ARHGAP21: variants seen among roughly 807,000 people sequenced by gnomAD.
ARHGAP21 encodes rho GTPase-activating protein 21.
In ARHGAP21, 38 loss-of-function variants were observed where a neutral mutation model predicts 164.6. The ratio of observed to expected loss-of-function variants is 0.23; its 90% CI spans 0.18 to 0.30. The LOEUF is 0.30. ARHGAP21 is among the 10% of genes least tolerant of loss of function. The pLI is 1.00. For missense variants in ARHGAP21, 1,822 were observed against 2,370.7 expected (o/e 0.77, Z 4.81); for synonymous variants, 766 against 857.9 (o/e 0.89, Z 1.87).
At chr10:24,614,588 G>A (rs1333777279) in intron 9 of ARHGAP21, among the ~76,000 whole-genome samples, 3 of 151,906 alleles carry the variant, frequency 2.0e-5, no homozygotes, top group Non-Finnish European at 2.9e-5. Context: ...TTCGAGACCA[G>A]CTTGGCCAAC....
At chr10:24,721,214 G>A (rs1593406914) in intron 2 of ARHGAP21, among the ~76,000 whole-genome samples, 1 of 152,184 alleles carries the variant, frequency 6.6e-6, no homozygotes, top group South Asian at 2.1e-4. Context: ...TGAAAGGGAG[G>A]GTATAAATAA....
chr10:24,711,740 T>C (rs928595154), intron 2 of ARHGAP21, among the ~76,000 whole-genome samples: 2 of 152,080 alleles, frequency 1.3e-5, no homozygotes, highest in African/African-American at 4.8e-5. Flanking sequence ...CACTTTTAAG[T>C]TGTACACAGC....
chr10:24,666,988 CTCT>C lies in ARHGAP21; in HGVS notation c.262_264del (p.Arg88del), dbSNP rs748503960. 5 of 1,428,038 alleles carry C rather than the reference CTCT, an allele frequency of 3.5e-6. No homozygotes were observed. The African/African-American group carries it at 7.2e-5, about 20-fold the overall frequency. The allele number at this position is 1,428,038 out of a possible 1,614,324, so 88.5% of individuals were successfully genotyped here. A position where few individuals can be genotyped will look rare whatever the true frequency, so the allele number is the denominator to read the frequency against. On this transcript the variant is annotated inframe_deletion, in exon 4 of 26. Transcript: ENST00000396432. ...AATTAAAATGTTTATAGCATACCTC[CTCT>C]GTTTCCATTTTCTTCATCCTACAAA...
At chr10:24,668,836 T>TATA (rs1840436102) in intron 3 of ARHGAP21, among the ~76,000 whole-genome samples, 1 of 152,164 alleles carries the variant, frequency 6.6e-6, no homozygotes, top group Non-Finnish European at 1.5e-5. Context: ...CATGTTTATA[T>TATA]AAGTTTGGTA....
At chr10:24,597,090 C>CA (rs11385129) in intron 16 of ARHGAP21, among the ~76,000 whole-genome samples, 77,251 of 147,622 alleles carry the variant, frequency 0.52, 19,851 homozygotes, top group African/African-American at 0.55. Flanking sequence ...TTTAAAACAG[C>CA]AAAAAAAAAA....
chr10:24,597,444 T>C lies in ARHGAP21; in HGVS notation c.3334+3A>G. On this transcript the variant is annotated splice_donor_region_variant and intron_variant, in intron 16 of 25. Coordinates refer to ENST00000396432, the MANE Select transcript of ARHGAP21 (RefSeq NM_020824.4). ...TTATTTGTTAGAAAGCTAACATCAATACCTTTACTGAGAAGTTTCCTTTCC... is the reference window on the plus strand; with the variant it reads ...TTATTTGTTAGAAAGCTAACATCAACACCTTTACTGAGAAGTTTCCTTTCC... 1 of 1,609,768 alleles carries C rather than the reference T, an allele frequency of 6.2e-7. No individual in the cohort carries two copies. The highest frequency in any genetic ancestry group is 8.5e-7 in the Non-Finnish European group (1 of 1,178,964).
Position 24,584,634 on chromosome 10 carries a change from C to T in ARHGAP21, c.5655G>A (p.Thr1885=), listed in dbSNP as rs142740605. The change falls in exon 26 of 26, where the codon ACG becomes ACA. Residue 1885 remains threonine (T), a synonymous_variant. Coordinates refer to ENST00000396432, the MANE Select transcript of ARHGAP21 (RefSeq NM_020824.4). ...AATGAAGAGACAAAGGTGTGTCGGTCGTGGCTATTTCTCGTGTGCTTGGGT... is the reference window on the plus strand; with the variant it reads ...AATGAAGAGACAAAGGTGTGTCGGTTGTGGCTATTTCTCGTGTGCTTGGGT... The part of the protein sequence containing the change: ...TENPSTREIA[T]TDTPLSLHCN... 2.3e-5 allele frequency: 37 copies of T among 1,613,778 alleles called. No homozygotes were observed. Among genetic ancestry groups the T allele is most frequent in the African/African-American group, 8.0e-5 (6 of 74,896 alleles).
chr10:24,591,763 G>C, intron 22 of ARHGAP21, 80 bp from the exon 23 acceptor site: 5 of 1,597,730 alleles, frequency 3.1e-6, no homozygotes, highest in Non-Finnish European at 4.3e-6. Flanking sequence ...TATAGAAAAA[G>C]GGTAATTTTC....
intron 4 of ARHGAP21, among the ~76,000 whole-genome samples, chr10:24,653,796 C>T (rs890293286): frequency 6.6e-6 from 1 of 152,106 alleles, no homozygotes; most frequent in African/African-American, 2.4e-5. Context: ...TGCTTGATTT[C>T]TTCCACTCAT....
rs764494269 is a variant in ARHGAP21 at position 24,621,022 on chromosome 10, A to G, written c.873T>C (p.His291=). ...CTTCAGTTCTATGTGAAGGACCTGT[A>G]TGGTTGTTTCTATTGGATAACAAAT... ...VVDLLSNRNN[H]TGPSHRTEEV... is the part of the protein sequence containing the mutation. Residue 291 remains histidine (H), a synonymous_variant, in exon 9 of 26, where the codon CAT becomes CAC. Transcript: ENST00000396432. 13 of 1,614,010 alleles carry G rather than the reference A, an allele frequency of 8.1e-6. No individual in the cohort carries two copies. The highest frequency in any genetic ancestry group is 1.1e-5 in the Non-Finnish European group (13 of 1,179,870).
At chr10:24,608,242 A>G (rs2077114539) in intron 9 of ARHGAP21, among the ~76,000 whole-genome samples, 1 of 152,200 alleles carries the variant, frequency 6.6e-6, no homozygotes, top group African/African-American at 2.4e-5. Context: ...CCCTGAAAGA[A>G]TTACTTTTCA....
chr10:24,695,221 T>C (rs1223798903), intron 2 of ARHGAP21, among the ~76,000 whole-genome samples: 1 of 152,094 alleles, frequency 6.6e-6, no homozygotes, highest in Non-Finnish European at 1.5e-5. Context: ...CTATGTGTCA[T>C]CCCCTACCCT....
At chr10:24,701,748 C>A (rs1262495515) in intron 2 of ARHGAP21, among the ~76,000 whole-genome samples, 2 of 152,140 alleles carry the variant, frequency 1.3e-5, no homozygotes, top group African/African-American at 4.8e-5. Flanking sequence ...TATGGGCAGC[C>A]TCTGGTGGAC....
At chr10:24,631,962 C>A (rs181667377) in intron 6 of ARHGAP21, among the ~76,000 whole-genome samples, 1 of 152,098 alleles carries the variant, frequency 6.6e-6, no homozygotes, top group Non-Finnish European at 1.5e-5. Flanking sequence ...CTCAAGTGAT[C>A]GGCCCACCTC....
At chr10:24,626,088 T>C (rs369366622) in intron 7 of ARHGAP21, among the ~76,000 whole-genome samples, 61 of 152,302 alleles carry the variant, frequency 4.0e-4, no homozygotes, top group African/African-American at 1.5e-3. Flanking sequence ...CAGCATAAAG[T>C]AGGTTTAAAA....
chr10:24,590,921 T>C, intron 24 of ARHGAP21: 2 of 977,188 alleles, frequency 2.0e-6, no homozygotes, highest in Non-Finnish European at 1.2e-6. Flanking sequence ...GTGATGACTA[T>C]TACATGGAAA....
Position 24,591,155 on chromosome 10 carries a change from G to T in ARHGAP21, c.4150+70C>A. ...TCATAAGTAACAATTCACTATGATT[G>T]ATTTGCTCTTTCATATTGTAAGAAT... On this transcript the variant is annotated intron_variant, in intron 24 of 25. Coordinates refer to ENST00000396432, the MANE Select transcript of ARHGAP21 (RefSeq NM_020824.4). 4 of 1,278,224 alleles carry T rather than the reference G, an allele frequency of 3.1e-6. No homozygotes were observed. In the South Asian group the frequency reaches 5.4e-5, roughly 17 times the overall value. The allele number at this position is 1,278,224 out of a possible 1,614,324, so 79.2% of individuals were successfully genotyped here.
At chr10:24,590,944 A>C in intron 24 of ARHGAP21, 4 of 894,632 alleles carry the variant, frequency 4.5e-6, no homozygotes, top group Non-Finnish European at 5.3e-6. Flanking sequence ...GTGAATTAAA[A>C]AAAAAAAAAA....
chr10:24,647,021 G>A (rs543783815), intron 4 of ARHGAP21, among the ~76,000 whole-genome samples: 1 of 152,148 alleles, frequency 6.6e-6, no homozygotes, highest in African/African-American at 2.4e-5. Flanking sequence ...CACCTGTATC[G>A]TCCTATCTAT....
Sources: gnomAD v4.1 joint callset for allele counts (sites outside exome capture counted in the v4.1 genomes callset) on GRCh38, gnomAD v4.1.1 for gene constraint, MANE v1.5 for transcripts, NCBI Gene and HGNC (gene_info 2026-07-23, HGNC 2026-07-21) for gene names.